CSMD1: variants seen among roughly 807,000 people sequenced by gnomAD.
CSMD1 encodes the protein CUB and Sushi multiple domains 1, also known as CUB and sushi domain-containing protein 1.
In CSMD1, 213 loss-of-function variants were observed where a neutral mutation model predicts 417.5. The observed-to-expected ratio is 0.51, with a 90% confidence interval of 0.46 to 0.57. The LOEUF (loss-of-function observed/expected upper bound fraction) is 0.57, where lower values mean the gene tolerates loss of function less well. Ranked by LOEUF, CSMD1 falls within the 20% of genes least tolerant of loss-of-function variation. CSMD1 has a pLI of 0.00. For synonymous variants in CSMD1, 2,862 were observed against 1,736.8 expected (o/e 1.65, Z -16.11); for missense variants, 6,923 against 4,529.7 (o/e 1.53, Z -15.17).
chr8:3,728,219 T>A lies in CSMD1; in HGVS notation c.932-19728A>T, dbSNP rs562635215. ...GAATAAGTCTCATGTGATCTGATGG[T>A]TTTACAAAGGGAAACCCCTTTCTCT... On this transcript the variant is annotated intron_variant, in intron 6 of 69. Coordinates refer to ENST00000635120, the MANE Select transcript of CSMD1 (RefSeq NM_033225.6). Among the ~76,000 whole-genome samples the A allele has an allele frequency of 1.8e-4, 27 of 152,210 alleles. No homozygotes were observed. In the Middle Eastern group the frequency reaches 0.014, roughly 77 times the overall value.
chr8:3,091,795 CA>C, intron 47 of CSMD1, 133 bp from the exon 48 acceptor site: 1 of 656,618 alleles, frequency 1.5e-6, no homozygotes, highest in South Asian at 2.5e-5. Flanking sequence ...AAGTGGACAA[CA>C]AATTCCAAAT....
At chr8:4,112,626 G>C (rs185154052) in intron 3 of CSMD1, among the ~76,000 whole-genome samples, 14 of 152,204 alleles carry the variant, frequency 9.2e-5, no homozygotes, top group African/African-American at 2.2e-4. Context: ...CAGCAAGCAG[G>C]GACCTGTCCA....
rs114573715 is a variant in CSMD1 at position 3,737,847 on chromosome 8, T to C, written c.931+16083A>G. 2.9e-3 allele frequency among the ~76,000 whole-genome samples: 439 copies of C among 152,342 alleles called. 4 individuals are homozygous for C. The highest frequency in any genetic ancestry group is 1.0e-2 in the African/African-American group (414 of 41,578). On this transcript the variant is annotated intron_variant, in intron 6 of 69. Transcript: ENST00000635120. The stretch of plus-strand genomic sequence containing the variant: ...TTTAAAACTACCAAAACATAACCCA[T>C]TTAATGTTAAGTCAGCCTTATTTAG...
chr8:4,923,873 G>A (rs1350991564), intron 1 of CSMD1, among the ~76,000 whole-genome samples: 1 of 152,130 alleles, frequency 6.6e-6, no homozygotes, highest in African/African-American at 2.4e-5. Context: ...CAAACTATAG[G>A]CAGTATCCAA....
At chr8:3,992,743 T>C (rs1814857536) in intron 5 of CSMD1, among the ~76,000 whole-genome samples, 1 of 152,226 alleles carries the variant, frequency 6.6e-6, no homozygotes. Context: ...ACAGCACCAC[T>C]GTACTCCACA....
intron 5 of CSMD1, among the ~76,000 whole-genome samples, chr8:3,910,702 G>C (rs1000843484): frequency 2.0e-5 from 3 of 152,156 alleles, no homozygotes; most frequent in African/African-American, 7.2e-5. Context: ...ATTTGCATAT[G>C]CTTCTTCAGA....
intron 3 of CSMD1, among the ~76,000 whole-genome samples, chr8:4,375,457 C>G (rs897843295): frequency 1.3e-5 from 2 of 152,098 alleles, no homozygotes; most frequent in Non-Finnish European, 2.9e-5. Context: ...TGTCCTCACC[C>G]GTTTGTAGTT....
intron 3 of CSMD1, among the ~76,000 whole-genome samples, chr8:4,183,346 C>T (rs1014875237): frequency 4.6e-5 from 7 of 152,076 alleles, no homozygotes; most frequent in Non-Finnish European, 7.4e-5. Flanking sequence ...TGATGATTAC[C>T]ACTGAAGTAA....
rs146546772 is a variant in CSMD1, at chr8:4,538,079, A to G, written c.302+99263T>C. On this transcript the variant is annotated intron_variant, in intron 2 of 69. Transcript: ENST00000635120. ...TCATCTCTCCAATAATTCTGGAGAC[A>G]TTTTCTTGCTAGGTATCAATAAAAC... is the stretch of plus-strand genomic sequence containing the variant. Among the ~76,000 whole-genome samples, 206 of 152,092 alleles carry G rather than the reference A, an allele frequency of 1.4e-3. 1 individual carries two copies. Among genetic ancestry groups the G allele is most frequent in the African/African-American group, 4.9e-3 (203 of 41,488 alleles).
At chr8:4,242,176 G>A (rs11986836) in intron 3 of CSMD1, among the ~76,000 whole-genome samples, 103 of 150,260 alleles carry the variant, frequency 6.9e-4, no homozygotes, top group African/African-American at 2.3e-3. Context: ...TTCTCAGAAT[G>A]GTATATTAAA....
intron 1 of CSMD1, among the ~76,000 whole-genome samples, chr8:4,915,307 C>T (rs1805976638): frequency 6.6e-6 from 1 of 152,012 alleles, no homozygotes; most frequent in Admixed American, 6.5e-5. Context: ...GCAGACTTTC[C>T]CGTGTGGATT....
chr8:4,485,745 C>A (rs1365253579), intron 2 of CSMD1, among the ~76,000 whole-genome samples: 1 of 152,056 alleles, frequency 6.6e-6, no homozygotes, highest in Non-Finnish European at 1.5e-5. Flanking sequence ...CCAATAAATC[C>A]AATGGCTTTA....
intron 3 of CSMD1, among the ~76,000 whole-genome samples, chr8:4,181,456 C>G (rs905534059): frequency 7.2e-5 from 11 of 151,808 alleles, no homozygotes; most frequent in African/African-American, 2.4e-4. Context: ...TGTCTTGGGT[C>G]ACACAGAAAA....
intron 21 of CSMD1, among the ~76,000 whole-genome samples, chr8:3,353,363 C>T (rs1808539527): frequency 1.3e-5 from 2 of 152,332 alleles, no homozygotes; most frequent in Middle Eastern, 3.4e-3. Flanking sequence ...TTCCTATCTG[C>T]TCTCTAACAC....
At chr8:3,669,363 G>C (rs536737183) in intron 7 of CSMD1, among the ~76,000 whole-genome samples, 1 of 152,116 alleles carries the variant, frequency 6.6e-6, no homozygotes, top group African/African-American at 2.4e-5. Flanking sequence ...TGCCTTGGGC[G>C]GGAGGGTCCA....
chr8:4,751,857 T>A (rs114117040), intron 1 of CSMD1, among the ~76,000 whole-genome samples: 1 of 152,154 alleles, frequency 6.6e-6, no homozygotes, highest in African/African-American at 2.4e-5. Flanking sequence ...AAATAGTGCA[T>A]TGGTGTGCAG....
chr8:4,218,485 T>A (rs1487216647), intron 3 of CSMD1, among the ~76,000 whole-genome samples: 1 of 152,250 alleles, frequency 6.6e-6, no homozygotes, highest in Non-Finnish European at 1.5e-5. Context: ...CCACTTGCTG[T>A]ATGATCTTTT....
intron 3 of CSMD1, among the ~76,000 whole-genome samples, chr8:4,206,080 C>T (rs930785177): frequency 2.0e-5 from 3 of 152,010 alleles, no homozygotes; most frequent in African/African-American, 7.3e-5. Flanking sequence ...ATTCAAAGGA[C>T]AGAAAGTGAG....
chr8:4,542,942 C>A (rs779220504), intron 2 of CSMD1, among the ~76,000 whole-genome samples: 1 of 152,060 alleles, frequency 6.6e-6, no homozygotes, highest in Admixed American at 6.6e-5. Context: ...TGCCTCCATA[C>A]AGTTATAATC....
Sources: allele counts gnomAD v4.1 joint callset (sites outside exome capture counted in the v4.1 genomes callset), GRCh38; gene constraint gnomAD v4.1.1; transcripts MANE v1.5; gene names NCBI Gene and HGNC (gene_info 2026-07-23, HGNC 2026-07-21).